SLC16A12: variants seen among roughly 807,000 people sequenced by gnomAD.
SLC16A12 encodes monocarboxylate transporter 12.
A neutral mutation model predicts 42.4 loss-of-function variants in SLC16A12; 17 were observed. The observed-to-expected ratio is 0.40, with a 90% CI of 0.27 to 0.60. The LOEUF (loss-of-function observed/expected upper bound fraction) is 0.60. Among genes scored for constraint, SLC16A12 ranks in the 20% least tolerant of loss-of-function variants. SLC16A12 has a pLI of 0.42. For missense variants in SLC16A12, 544 were observed against 623.0 expected, an observed-to-expected ratio of 0.87 and a Z score of 1.35; for synonymous variants, 224 against 229.4, an observed-to-expected ratio of 0.98 and a Z score of 0.21.
chr10:89,539,241 C>T (rs559825504), upstream of SLC16A12, among the ~76,000 whole-genome samples: 1 of 152,264 alleles, frequency 6.6e-6, no homozygotes, highest in African/African-American at 2.4e-5. Context: ...AATGGTACAT[C>T]ATTATTAGTT....
At chr10:89,497,740 G>GAAA (rs34547324) in intron 2 of SLC16A12, among the ~76,000 whole-genome samples, 1 of 150,370 alleles carries the variant, frequency 6.7e-6, no homozygotes. Context: ...TCAGAAAGAG[G>GAAA]AAAAAAAAAC....
intron 2 of SLC16A12, among the ~76,000 whole-genome samples, chr10:89,488,352 A>T (rs921309817): frequency 6.6e-6 from 1 of 152,188 alleles, no homozygotes; most frequent in African/African-American, 2.4e-5. Context: ...GGTCAGTGCT[A>T]AGGAAGTCAC....
intron 3 of SLC16A12, among the ~76,000 whole-genome samples, chr10:89,454,217 A>G (rs1842144050): frequency 6.6e-6 from 1 of 152,098 alleles, no homozygotes; most frequent in South Asian, 2.1e-4. Flanking sequence ...TATGTTACCC[A>G]GGCTGGTCTC....
chr10:89,436,093 C>A lies in SLC16A12; in HGVS notation c.1255G>T (p.Ala419Ser), dbSNP rs375678465. ...SALGVVYFLH[A>S]VPYLVSPPIA... Reference sequence around the variant, plus strand: ...GGTGGGCTCACCAAGTATGGCACTGCGTGAAGGAAGTATACCACACCAAGC... The same window carrying A: ...GGTGGGCTCACCAAGTATGGCACTGAGTGAAGGAAGTATACCACACCAAGC... The change falls in exon 7 of 8, where the codon GCA becomes TCA. Residue 419 changes from alanine to serine, a missense_variant. Ala to Ser is a moderately conservative substitution (Grantham distance 99). Transcript: ENST00000371790. The A allele has an allele frequency of 1.2e-6, 2 of 1,613,694 alleles. No individual in the cohort carries two copies. Among genetic ancestry groups the A allele is most frequent in the Non-Finnish European group, 1.7e-6 (2 of 1,179,898 alleles).
intron 2 of SLC16A12, among the ~76,000 whole-genome samples, chr10:89,472,483 C>CTTTCTTTTTTTTTTTTTTTTTTTTTT (rs1842513795): frequency 2.5e-5 from 3 of 118,462 alleles, no homozygotes; most frequent in East Asian, 2.4e-4. Context: ...CTTTTCTTTT[C>CTTTCTTTTTTTTTTTTTTTTTTTTTT]TTTCTTTTTT....
intron 3 of SLC16A12, among the ~76,000 whole-genome samples, chr10:89,444,900 C>T (rs1057053560): frequency 6.6e-6 from 1 of 152,238 alleles, no homozygotes; most frequent in African/African-American, 2.4e-5. Context: ...CACCTAAATA[C>T]TATGCTTTTC....
chr10:89,434,237 G>T (rs1388421764), intron 7 of SLC16A12, among the ~76,000 whole-genome samples: 3 of 152,160 alleles, frequency 2.0e-5, no homozygotes, highest in Admixed American at 6.5e-5. Flanking sequence ...AAACAAAAAA[G>T]ACTGAGTACA....
intron 5 of SLC16A12, 43 bp downstream of exon 5, chr10:89,441,065 C>G (rs1179233799): frequency 1.2e-6 from 2 of 1,611,920 alleles, no homozygotes; most frequent in East Asian, 4.5e-5. Context: ...TTGGAAACCC[C>G]TGAATGGAGT....
upstream of SLC16A12, among the ~76,000 whole-genome samples, chr10:89,539,881 C>CATTCTTTCTTTCTTTCTTTA (rs1843702200): frequency 6.9e-6 from 1 of 143,986 alleles, no homozygotes; most frequent in Non-Finnish European, 1.5e-5. Flanking sequence ...TTCTTTCTTT[C>CATTCTTTCTTTCTTTCTTTA]TTTCTTTCTT....
In SLC16A12 at chr10:89,441,266, A is replaced by G. The variant is rs774767374; in HGVS notation, c.305-15T>C. 6.2e-7 allele frequency: 1 copy of G among 1,613,974 alleles called. No homozygotes were observed. The highest frequency in any genetic ancestry group is 8.5e-7 in the Non-Finnish European group (1 of 1,179,902). ...CCCAAGTGGAGCTTCAAAAACAATA[A>G]GAAATAGGTTCAACAGAAAGGCCTT... On this transcript the variant is annotated splice_polypyrimidine_tract_variant and intron_variant, in intron 4 of 7. Coordinates refer to ENST00000371790, the MANE Select transcript of SLC16A12 (RefSeq NM_213606.4).
At chr10:89,480,891 T>C (rs1842650729) in intron 2 of SLC16A12, among the ~76,000 whole-genome samples, 1 of 152,208 alleles carries the variant, frequency 6.6e-6, no homozygotes, top group Admixed American at 6.5e-5. Flanking sequence ...TTTTCACTTC[T>C]TTGCAGTATT....
intron 2 of SLC16A12, among the ~76,000 whole-genome samples, chr10:89,498,987 C>T (rs1305741995): frequency 6.6e-6 from 1 of 152,150 alleles, no homozygotes; most frequent in Non-Finnish European, 1.5e-5. Flanking sequence ...CAGCCTTCAG[C>T]CCTAGATCTT....
chr10:89,440,989 C>T, intron 5 of SLC16A12, 119 bp downstream of exon 5: 1 of 1,260,360 alleles, frequency 7.9e-7, no homozygotes, highest in South Asian at 1.3e-5. Flanking sequence ...TAGACATAAG[C>T]TAGGTCAACT....
At position 89,430,688 on chromosome 10, in the gene SLC16A12, G is replaced by A; in HGVS notation, c.*2376C>T. 2 of 465,112 alleles carry A rather than the reference G, an allele frequency of 4.3e-6. No homozygotes were observed. Among genetic ancestry groups the A allele is most frequent in the South Asian group, 3.2e-5 (2 of 62,602 alleles). The allele number at this position is 465,112 out of a possible 1,614,324, so 28.8% of individuals were successfully genotyped here. ...TTTTCTAAAAATGCTGCCTCAAAAG[G>A]GAAAGTAAAATGCAAATCTATGCAT... is the stretch of plus-strand genomic sequence containing the variant. On this transcript the variant is annotated 3_prime_UTR_variant, in exon 8 of 8. Transcript: ENST00000371790.
chr10:89,464,457 A>G (rs1221078107), intron 2 of SLC16A12, among the ~76,000 whole-genome samples: 3 of 152,214 alleles, frequency 2.0e-5, no homozygotes, highest in African/African-American at 7.2e-5. Context: ...GAGTTTCAAC[A>G]TCTACTTTTG....
intron 2 of SLC16A12, among the ~76,000 whole-genome samples, chr10:89,530,633 A>G (rs1390801039): frequency 6.6e-6 from 1 of 152,050 alleles, no homozygotes; most frequent in Non-Finnish European, 1.5e-5. Flanking sequence ...GTTAGCCAGG[A>G]TGCTCTCGAT....
At chr10:89,487,333 A>G (rs1842772142) in intron 2 of SLC16A12, among the ~76,000 whole-genome samples, 2 of 152,178 alleles carry the variant, frequency 1.3e-5, no homozygotes, top group Non-Finnish European at 2.9e-5. Flanking sequence ...CTAAAAAGTC[A>G]AAAAACAACA....
chr10:89,521,141 T>A (rs562566316), intron 2 of SLC16A12, among the ~76,000 whole-genome samples: 3 of 152,196 alleles, frequency 2.0e-5, no homozygotes, highest in Non-Finnish European at 4.4e-5. Flanking sequence ...GAGGACTTGA[T>A]TGCCAGCCAA....
intron 2 of SLC16A12, among the ~76,000 whole-genome samples, chr10:89,497,432 T>C (rs1347092696): frequency 6.6e-6 from 1 of 152,224 alleles, no homozygotes; most frequent in Non-Finnish European, 1.5e-5. Flanking sequence ...AGTGTGATTA[T>C]ATATTTTTTG....
Sources: allele counts gnomAD v4.1 joint callset (sites outside exome capture counted in the v4.1 genomes callset), GRCh38; gene constraint gnomAD v4.1.1; transcripts MANE v1.5; gene names NCBI Gene and HGNC (gene_info 2026-07-23, HGNC 2026-07-21).